Variants in RIMS1 observed in about 807,000 individuals in gnomAD.
The protein encoded by RIMS1 is regulating synaptic membrane exocytosis 1, also known as regulating synaptic membrane exocytosis protein 1.
In RIMS1, 83 loss-of-function variants were observed where a neutral mutation model predicts 214.1. The observed-to-expected ratio is 0.39, with a 90% CI of 0.32 to 0.47. The LOEUF is 0.47. Ranked by LOEUF, RIMS1 falls within the 20% of genes least tolerant of loss-of-function variation. The probability of loss-of-function intolerance (pLI) is 0.99; values close to 1 mark genes in which losing one functional copy is unlikely to be tolerated. For missense variants in RIMS1, 2,050 were observed against 2,161.8 expected (o/e 0.95, Z 1.03); for synonymous variants, 793 against 786.8 (o/e 1.01, Z -0.13).
intron 1 of RIMS1, among the ~76,000 whole-genome samples, chr6:71,894,595 T>C (rs907000333): frequency 8.5e-5 from 13 of 152,252 alleles, no homozygotes; most frequent in Admixed American, 7.9e-4. Context: ...TTATGAGAAT[T>C]CTCCTTTGAG....
rs2080116495 is a variant in RIMS1 at position 72,265,497 on chromosome 6, T to C, written c.3302T>C (p.Leu1101Pro). The change falls in exon 21 of 34, where the codon CTG (leucine) becomes CCG (proline). Residue 1101 changes from leucine to proline, a missense_variant. Leu to Pro is a moderately conservative substitution (Grantham distance 98). This residue lies in a region of RIMS1 where 889 missense variants were observed against 885.5 expected (regional missense o/e 1.00). Coordinates refer to ENST00000521978, the MANE Select transcript of RIMS1 (RefSeq NM_014989.7). ...STVLRFTDEI[L>P]VSELQPFLDR... is the part of the protein sequence containing the mutation. ...GTATTGAGATTTACTGATGAAATACTGGTTAGGTAAGAACATTTGGAAGTG... is the reference window on the plus strand; with the variant it reads ...GTATTGAGATTTACTGATGAAATACCGGTTAGGTAAGAACATTTGGAAGTG... 1 of 1,542,670 alleles carries C rather than the reference T, an allele frequency of 6.5e-7. No homozygotes were observed. The highest frequency in any genetic ancestry group is 8.9e-7 in the Non-Finnish European group (1 of 1,117,572).
At chr6:72,079,367 G>T (rs1478075171) in intron 2 of RIMS1, among the ~76,000 whole-genome samples, 2 of 152,102 alleles carry the variant, frequency 1.3e-5, no homozygotes, top group African/African-American at 2.4e-5. Context: ...TCAGATGCTG[G>T]GTAGGTGTCA....
At chr6:72,366,437 A>G (rs2746211) in intron 29 of RIMS1, among the ~76,000 whole-genome samples, 2,758 of 152,310 alleles carry the variant, frequency 0.018, 65 homozygotes, top group African/African-American at 0.061. Flanking sequence ...ATTATATTCA[A>G]TAAAGTAGGC....
chr6:72,287,215 G>A (rs781274328), intron 24 of RIMS1, among the ~76,000 whole-genome samples: 10 of 152,238 alleles, frequency 6.6e-5, no homozygotes, highest in Non-Finnish European at 1.5e-4. Context: ...ATTTTATGGT[G>A]TGTTATTGCA....
At chr6:72,030,290 G>A (rs914224966) in intron 2 of RIMS1, among the ~76,000 whole-genome samples, 1 of 152,054 alleles carries the variant, frequency 6.6e-6, no homozygotes, top group African/African-American at 2.4e-5. Context: ...GTGGCTATTG[G>A]TTGCTAAAAT....
intron 4 of RIMS1, among the ~76,000 whole-genome samples, chr6:72,167,336 A>G (rs1042229677): frequency 6.6e-6 from 1 of 151,848 alleles, no homozygotes; most frequent in African/African-American, 2.4e-5. Context: ...TTTTTCTTAA[A>G]TGTTTTTGCT....
chr6:71,984,567 T>C (rs1185306007), intron 2 of RIMS1, among the ~76,000 whole-genome samples: 1 of 152,208 alleles, frequency 6.6e-6, no homozygotes, highest in Non-Finnish European at 1.5e-5. Context: ...TATTATATTA[T>C]ACTTTGTGCT....
chr6:72,169,850 G>A (rs2046784589), intron 4 of RIMS1, among the ~76,000 whole-genome samples: 1 of 152,204 alleles, frequency 6.6e-6, no homozygotes, highest in Non-Finnish European at 1.5e-5. Context: ...GGTTGAGGCT[G>A]CAGTGAGCTG....
Position 71,999,602 on chromosome 6 carries a change from G to C in RIMS1, c.245+30539G>C, listed in dbSNP as rs761165283. Reference sequence around the variant, plus strand: ...AATAGTATATAAACATTGACAGCTTGAAATTTGGTCTCAATCTGGCCTTTT... The same window carrying C: ...AATAGTATATAAACATTGACAGCTTCAAATTTGGTCTCAATCTGGCCTTTT... On this transcript the variant is annotated intron_variant, in intron 2 of 33. Coordinates refer to ENST00000521978, the MANE Select transcript of RIMS1 (RefSeq NM_014989.7). Among the ~76,000 whole-genome samples, 59 of 152,222 alleles carry C rather than the reference G, an allele frequency of 3.9e-4. No homozygotes were observed. The Middle Eastern group carries it at 0.01, about 26-fold the overall frequency.
At chr6:72,366,983 GTTGT>G (rs762626763) in intron 29 of RIMS1, 1 of 343,380 alleles carries the variant, frequency 2.9e-6, no homozygotes, top group Non-Finnish European at 4.1e-6. Context: ...AGCTTTCAGT[GTTGT>G]TTAACAGTTT....
At chr6:72,135,151 T>G (rs13201548) in intron 4 of RIMS1, among the ~76,000 whole-genome samples, 1 of 152,164 alleles carries the variant, frequency 6.6e-6, no homozygotes. Context: ...AAAGGTGTTA[T>G]TAGCAGACCA....
chr6:72,315,223 A>G (rs1256322552), intron 28 of RIMS1, among the ~76,000 whole-genome samples: 1 of 152,190 alleles, frequency 6.6e-6, no homozygotes, highest in Non-Finnish European at 1.5e-5. Context: ...GACAAGAAGC[A>G]AAAGATAGAG....
At chr6:72,348,345 T>C (rs114430567) in intron 29 of RIMS1, among the ~76,000 whole-genome samples, 2,038 of 151,958 alleles carry the variant, frequency 0.013, 48 homozygotes, top group African/African-American at 0.047. Context: ...TTGATTTTGG[T>C]ATACATGGTG....
intron 26 of RIMS1, among the ~76,000 whole-genome samples, chr6:72,306,949 C>A (rs1336707263): frequency 6.6e-6 from 1 of 152,066 alleles, no homozygotes; most frequent in African/African-American, 2.4e-5. Context: ...AACATTCTTA[C>A]AATTAAATTT....
chr6:72,333,922 G>C, intron 29 of RIMS1, 87 bp downstream of exon 29: 1 of 960,268 alleles, frequency 1.0e-6, no homozygotes, highest in Non-Finnish European at 1.6e-6. Context: ...TGATGGAATT[G>C]TGGCATATTT....
intron 2 of RIMS1, among the ~76,000 whole-genome samples, chr6:72,086,282 G>A (rs1586640595): frequency 6.6e-6 from 1 of 152,134 alleles, no homozygotes; most frequent in Non-Finnish European, 1.5e-5. Flanking sequence ...CTCATATCTA[G>A]AATAGCATAT....
At chr6:71,979,956 CTCTT>C (rs1214959374) in intron 2 of RIMS1, among the ~76,000 whole-genome samples, 14 of 152,188 alleles carry the variant, frequency 9.2e-5, no homozygotes, top group South Asian at 8.3e-4. Flanking sequence ...AATTGGACCT[CTCTT>C]TCAAAACTCA....
intron 6 of RIMS1, among the ~76,000 whole-genome samples, chr6:72,224,404 A>T (rs2059556411): frequency 6.6e-6 from 1 of 152,174 alleles, no homozygotes; most frequent in African/African-American, 2.4e-5. Context: ...GCAGCTAGTT[A>T]TTGTGAAGTC....
At chr6:72,147,961 C>T (rs996047597) in intron 4 of RIMS1, among the ~76,000 whole-genome samples, 10 of 152,156 alleles carry the variant, frequency 6.6e-5, no homozygotes, top group Non-Finnish European at 1.5e-4. Flanking sequence ...GTTCCATTCC[C>T]CTACACTGTG....
Sources: allele counts gnomAD v4.1 joint callset (sites outside exome capture counted in the v4.1 genomes callset), GRCh38; gene constraint gnomAD v4.1.1; regional missense constraint gnomAD v4.1.1; transcripts MANE v1.5; gene names NCBI Gene and HGNC (gene_info 2026-07-23, HGNC 2026-07-21).